The following BRD7 variants were observed in gnomAD, a reference collection of about 807,000 sequenced individuals.
The protein encoded by BRD7 is bromodomain containing 7.
A neutral mutation model predicts 82.1 loss-of-function variants in BRD7; 15 were observed. The ratio of observed to expected loss-of-function variants is 0.18; its 90% confidence interval spans 0.12 to 0.28. The LOEUF is 0.28. BRD7 is among the 10% of genes least tolerant of loss of function. The probability of loss-of-function intolerance (pLI) is 1.00; values close to 1 mark genes in which losing one functional copy is unlikely to be tolerated. For synonymous variants in BRD7, 232 were observed against 266.9 expected (o/e 0.87, Z 1.27); for missense variants, 638 against 779.9 (o/e 0.82, Z 2.17).
chr16:50,330,673 G>A (rs544476254), intron 8 of BRD7, among the ~76,000 whole-genome samples: 1 of 151,926 alleles, frequency 6.6e-6, no homozygotes, highest in Non-Finnish European at 1.5e-5. Context: ...CAAAATATAC[G>A]AAAGAGCTCT....
At chr16:50,341,283 G>T (rs186147335) in intron 5 of BRD7, among the ~76,000 whole-genome samples, 1 of 151,486 alleles carries the variant, frequency 6.6e-6, no homozygotes, top group East Asian at 1.9e-4. Flanking sequence ...GGCTCATTAT[G>T]GTATCCAAAG....
chr16:50,330,683 T>C (rs2037527606), intron 8 of BRD7, among the ~76,000 whole-genome samples: 1 of 152,174 alleles, frequency 6.6e-6, no homozygotes, highest in Admixed American at 6.5e-5. Context: ...GAAAGAGCTC[T>C]AATCAACTGA....
chr16:50,318,580 A>G lies in BRD7; in HGVS notation c.*631T>C, dbSNP rs1260829803. ...GACCTTTGTATTTCAGATAAACAGTAAGTAAAGTAGAAATGTCACCTTTTG... is the reference window on the plus strand; with the variant it reads ...GACCTTTGTATTTCAGATAAACAGTGAGTAAAGTAGAAATGTCACCTTTTG... On this transcript the variant is annotated 3_prime_UTR_variant, in exon 17 of 17. Coordinates refer to ENST00000394688, the MANE Select transcript of BRD7 (RefSeq NM_013263.5). 1 of 152,222 alleles carries G rather than the reference A, an allele frequency of 6.6e-6. No individual in the cohort carries two copies. Among genetic ancestry groups the G allele is most frequent in the African/African-American group, 2.4e-5 (1 of 41,464 alleles). 9.4% of individuals were successfully genotyped at this position (152,222 alleles called of 1,614,324 possible).
chr16:50,324,516 T>C (rs1202961199), intron 11 of BRD7, among the ~76,000 whole-genome samples: 1 of 152,220 alleles, frequency 6.6e-6, no homozygotes, highest in African/African-American at 2.4e-5. Flanking sequence ...TCCCTGGCCA[T>C]GTGCCTGCAC....
At chr16:50,320,590 G>T in intron 14 of BRD7, 73 bp downstream of exon 14, 2 of 1,405,010 alleles carry the variant, frequency 1.4e-6, no homozygotes, top group Non-Finnish European at 2.0e-6. Context: ...ATGTTAATCT[G>T]TACTTATGAG....
intron 5 of BRD7, among the ~76,000 whole-genome samples, chr16:50,341,928 TCACACACACACACACACACA>T (rs375793137): frequency 2.8e-5 from 4 of 143,552 alleles, no homozygotes; most frequent in Admixed American, 6.9e-5. Flanking sequence ...TGCACACTTT[TCACACACACACACACACACA>T]CACACACACA....
Position 50,319,861 on chromosome 16 carries a change from T to G in BRD7, c.1900+26A>C, listed in dbSNP as rs202130286. On this transcript the variant is annotated intron_variant, in intron 16 of 16. Coordinates refer to ENST00000394688, the MANE Select transcript of BRD7 (RefSeq NM_013263.5). ...GACTATAGTCACCATAGCTTTCTGC[T>G]TTCCCAGAGAAAACAGGGCACGTAC... 2.6e-5 allele frequency: 41 copies of G among 1,606,102 alleles called. No homozygotes were observed. In the East Asian group the frequency reaches 8.0e-4, roughly 31 times the overall value.
At chr16:50,324,990 A>G (rs2037277593) in intron 11 of BRD7, among the ~76,000 whole-genome samples, 1 of 152,260 alleles carries the variant, frequency 6.6e-6, no homozygotes, top group African/African-American at 2.4e-5. Context: ...TACTAATGTA[A>G]AAGTGAACAG....
At chr16:50,358,639 T>C (rs1447224878) in intron 2 of BRD7, among the ~76,000 whole-genome samples, 1 of 152,168 alleles carries the variant, frequency 6.6e-6, no homozygotes, top group African/African-American at 2.4e-5. Flanking sequence ...GTTGATAAGA[T>C]GGTCAATCAT....
intron 8 of BRD7, among the ~76,000 whole-genome samples, chr16:50,329,154 T>C (rs2037456298): frequency 6.6e-6 from 1 of 152,128 alleles, no homozygotes; most frequent in Non-Finnish European, 1.5e-5. Flanking sequence ...ACCAAACTAA[T>C]ATTACAGGTG....
At chr16:50,349,321 A>G (rs2038420023) in intron 5 of BRD7, 2 of 314,608 alleles carry the variant, frequency 6.4e-6, no homozygotes, top group Non-Finnish European at 1.2e-5. Context: ...GGTTCAGCGC[A>G]CCAACATGGC....
chr16:50,329,959 C>CTTGG (rs1241499966), intron 8 of BRD7, among the ~76,000 whole-genome samples: 1 of 152,194 alleles, frequency 6.6e-6, no homozygotes. Flanking sequence ...GGCTGTCCCC[C>CTTGG]CTTCCTCTTG....
chr16:50,341,943 C>CACACAA (rs1409399869), intron 5 of BRD7, among the ~76,000 whole-genome samples: 1 of 149,760 alleles, frequency 6.7e-6, no homozygotes, highest in Non-Finnish European at 1.5e-5. Context: ...CACACACACA[C>CACACAA]ACACACACAC....
At chr16:50,342,150 G>A (rs1021579385) in intron 5 of BRD7, among the ~76,000 whole-genome samples, 3 of 151,864 alleles carry the variant, frequency 2.0e-5, no homozygotes, top group Non-Finnish European at 4.4e-5. Context: ...TACTGTAAGA[G>A]AAAGATCAGA....
At chr16:50,341,674 T>TG (rs1200828348) in intron 5 of BRD7, among the ~76,000 whole-genome samples, 1 of 149,672 alleles carries the variant, frequency 6.7e-6, no homozygotes, top group African/African-American at 2.5e-5. Context: ...AATATGTATT[T>TG]GGGGGGATGG....
At chr16:50,334,180 T>C (rs1403596555) in intron 7 of BRD7, among the ~76,000 whole-genome samples, 1 of 152,234 alleles carries the variant, frequency 6.6e-6, no homozygotes, top group Non-Finnish European at 1.5e-5. Flanking sequence ...CGGTCAGGGC[T>C]GGCTCCCAGT....
At chr16:50,363,666 C>CGT (rs1567292145) in intron 2 of BRD7, among the ~76,000 whole-genome samples, 5 of 135,596 alleles carry the variant, frequency 3.7e-5, no homozygotes, top group African/African-American at 1.1e-4. Context: ...TGTGTGCGCG[C>CGT]GCGCGCGTGC....
At chr16:50,319,503 A>G (rs2036975536) in intron 16 of BRD7, among the ~76,000 whole-genome samples, 1 of 152,234 alleles carries the variant, frequency 6.6e-6, no homozygotes, top group Non-Finnish European at 1.5e-5. Flanking sequence ...TATACATTAA[A>G]AACAGATAAA....
chr16:50,328,186 C>A (rs1461893011), intron 9 of BRD7, among the ~76,000 whole-genome samples: 2 of 152,014 alleles, frequency 1.3e-5, no homozygotes, highest in Non-Finnish European at 1.5e-5. Context: ...CTAAAGATTC[C>A]CAATCTTTAC....
Sources: gnomAD v4.1 joint callset for allele counts (sites outside exome capture counted in the v4.1 genomes callset) on GRCh38, gnomAD v4.1.1 for gene constraint, MANE v1.5 for transcripts, NCBI Gene and HGNC (gene_info 2026-07-23, HGNC 2026-07-21) for gene names.